Variants in TSPAN1 observed in about 807,000 individuals in gnomAD.
TSPAN1 encodes tetraspanin 1, also known as tetraspanin-1.
Under a neutral mutation model 26.9 loss-of-function variants are expected in TSPAN1, and 23 were observed. The ratio of observed to expected loss-of-function variants is 0.85; its 90% CI spans 0.62 to 1.21. TSPAN1 has a LOEUF of 1.21. Among genes scored for constraint, TSPAN1 ranks in the 50% most tolerant of loss-of-function variants. The probability of loss-of-function intolerance (pLI) is 0.00; values close to 1 mark genes in which losing one functional copy is unlikely to be tolerated. For synonymous variants in TSPAN1, 115 were observed against 114.8 expected (o/e 1.00, Z -0.01); for missense variants, 283 against 298.4 (o/e 0.95, Z 0.38).
At position 46,184,491 on chromosome 1, in the gene TSPAN1, CT is replaced by C. The variant is rs1217493575; in HGVS notation, c.264+95del. 5.6e-6 allele frequency: 9 copies of C among 1,605,844 alleles called. No individual in the cohort carries two copies. The African/African-American group carries it at 6.7e-5, about 12-fold the overall frequency. On this transcript the variant is annotated intron_variant, in intron 4 of 8. Coordinates refer to ENST00000372003, the MANE Select transcript of TSPAN1 (RefSeq NM_005727.4). The stretch of plus-strand genomic sequence containing the variant: ...TTCCCAAACCCTGCTTTGGACCCCC[CT>C]AGGCTCAGGCTTCTGTCTCACTTTT...
Position 46,175,164 on chromosome 1 carries a change from C to T in TSPAN1, c.-387C>T, listed in dbSNP as rs1298140305. 6.3e-6 allele frequency: 1 copy of T among 157,998 alleles called. No homozygotes were observed. Among genetic ancestry groups the T allele is most frequent in the African/African-American group, 2.4e-5 (1 of 41,624 alleles). 9.8% of individuals were successfully genotyped at this position (157,998 alleles called of 1,614,324 possible). On this transcript the variant is annotated 5_prime_UTR_variant, in exon 1 of 9. Transcript: ENST00000372003. ...AGGCACATCCACCTCACATCCACCT[C>T]ATACTTGTGTACTCTCAGGGTTCAG...
At chr1:46,194,488 A>T in the TSPAN1 span, 2 of 1,614,136 alleles carry the variant, frequency 1.2e-6, no homozygotes, top group East Asian at 4.5e-5. Context: ...ATAAAGCTCC[A>T]CAGAGAGATC....
chr1:46,192,571 G>T, the TSPAN1 span: 1 of 1,614,116 alleles, frequency 6.2e-7, no homozygotes. Context: ...TCCAGTAGGT[G>T]GATGGATTGG....
At chr1:46,177,655 TAAG>T in intron 1 of TSPAN1, among the ~76,000 whole-genome samples, 1 of 152,162 alleles carries the variant, frequency 6.6e-6, no homozygotes, top group Non-Finnish European at 1.5e-5. Context: ...AAAACTGAAA[TAAG>T]AAGACAGAGA....
At chr1:46,192,055 ACTGT>A in the TSPAN1 span, 1 of 1,588,110 alleles carries the variant, frequency 6.3e-7, no homozygotes, top group East Asian at 2.2e-5. Context: ...CTTGTTCTTG[ACTGT>A]CATGCCACAC....
Position 46,185,832 on chromosome 1 carries a change from G to A in TSPAN1, c.*299G>A. On this transcript the variant is annotated 3_prime_UTR_variant, in exon 9 of 9. Transcript: ENST00000372003. ...CTTGATATGCCCCCTAGGCCTAGTG[G>A]TGATCCCAGTGCTCTACTGGGGGAT... The A allele has an allele frequency of 6.1e-6, 3 of 495,266 alleles. No homozygotes were observed. The highest frequency in any genetic ancestry group is 1.1e-5 in the Non-Finnish European group (3 of 274,818). The allele number at this position is 495,266 out of a possible 1,614,324, so 30.7% of individuals were successfully genotyped here.
intron 3 of TSPAN1, among the ~76,000 whole-genome samples, chr1:46,182,958 G>T (rs1024911333): frequency 1.3e-5 from 2 of 152,128 alleles, no homozygotes; most frequent in African/African-American, 4.8e-5. Flanking sequence ...GACTACAGGA[G>T]TGTGCCACCA....
chr1:46,186,067 GT>G (rs1264497382), downstream of TSPAN1: 1 of 162,584 alleles, frequency 6.2e-6, no homozygotes, highest in East Asian at 1.8e-4. Context: ...GTAGGGTGGG[GT>G]TGGGGGTCAG....
At chr1:46,182,316 A>AAAAAAAAAAAAAAAAAAAAAAAAAC (rs1657332290) in intron 3 of TSPAN1, among the ~76,000 whole-genome samples, 1 of 147,434 alleles carries the variant, frequency 6.8e-6, no homozygotes, top group African/African-American at 2.5e-5. Context: ...AAAAAAAAAA[A>AAAAAAAAAAAAAAAAAAAAAAAAAC]AGCCACTGTG....
Position 46,185,592 on chromosome 1 carries a change from G to T in TSPAN1, c.*59G>T. 1 of 1,578,444 alleles carries T rather than the reference G, an allele frequency of 6.3e-7. No individual in the cohort carries two copies. The highest frequency in any genetic ancestry group is 1.1e-5 in the South Asian group (1 of 89,960). On this transcript the variant is annotated 3_prime_UTR_variant, in exon 9 of 9. Transcript: ENST00000372003. Reference sequence around the variant, plus strand: ...ATGGGAACTGTGAAGAGGCACCCTGGCAAGCAGCAGTGATTGGGGGAGGGG... The same window carrying T: ...ATGGGAACTGTGAAGAGGCACCCTGTCAAGCAGCAGTGATTGGGGGAGGGG...
chr1:46,182,414 AAAGTGAGG>A (rs1657335323), intron 3 of TSPAN1, among the ~76,000 whole-genome samples: 1 of 151,574 alleles, frequency 6.6e-6, no homozygotes, highest in Admixed American at 6.6e-5. Flanking sequence ...AGTGTAAGTG[AAAGTGAGG>A]AAGTGGGCCA....
At chr1:46,192,992 G>A in the TSPAN1 span, 1 of 1,612,588 alleles carries the variant, frequency 6.2e-7, no homozygotes, top group South Asian at 1.1e-5. Context: ...GGTCCCAAAG[G>A]GGTCTCTCCA....
In TSPAN1 at chr1:46,184,330, T is replaced by C. The variant is rs758411409; in HGVS notation, c.197T>C (p.Val66Ala). 1.2e-6 allele frequency: 2 copies of C among 1,614,068 alleles called. No homozygotes were observed. Among genetic ancestry groups the C allele is most frequent in the African/African-American group, 2.7e-5 (2 of 74,916 alleles). The change falls in exon 4 of 9, where the codon GTG (valine) becomes GCG (alanine). Residue 66 changes from valine (V) to alanine (A), a missense_variant. Val to Ala is a moderately conservative substitution (Grantham distance 64). Coordinates refer to ENST00000372003, the MANE Select transcript of TSPAN1 (RefSeq NM_005727.4). The stretch of plus-strand genomic sequence containing the variant: ...TACTTCCTCATCGCAGCCGGCGTTG[T>C]GGTCTTTGCTCTTGGTTTCCTGGGC... ...VGYFLIAAGV[V>A]VFALGFLGCY...
At chr1:46,189,914 G>A (rs1657618143), downstream of TSPAN1, 7 of 1,613,972 alleles carry the variant, frequency 4.3e-6, no homozygotes, top group Non-Finnish European at 5.1e-6. Flanking sequence ...TAAAGGCCAC[G>A]TAGGTGTGGC....
rs569364314 is a variant in TSPAN1 at position 46,179,401 on chromosome 1, A to G, written c.-141-1125A>G. On this transcript the variant is annotated intron_variant, in intron 1 of 8. Coordinates refer to ENST00000372003, the MANE Select transcript of TSPAN1 (RefSeq NM_005727.4). ...ACTTTGACCTTCTTGCTCTGTGCTC[A>G]TTCCCTACTGTCCCTTCCTTCTAGA... Among the ~76,000 whole-genome samples, 20 of 152,096 alleles carry G rather than the reference A, an allele frequency of 1.3e-4. No homozygotes were observed. The East Asian group carries it at 3.9e-3, about 29-fold the overall frequency.
chr1:46,188,808 T>C, downstream of TSPAN1: 1 of 1,612,884 alleles, frequency 6.2e-7, no homozygotes, highest in Non-Finnish European at 8.5e-7. Flanking sequence ...TGTGTCAGCA[T>C]GTGGGCCCCA....
the TSPAN1 span, chr1:46,194,139 T>A: frequency 6.4e-7 from 1 of 1,560,208 alleles, no homozygotes; most frequent in Non-Finnish European, 8.7e-7. Flanking sequence ...GCCCTGTCTT[T>A]CAGAGCGCAG....
Position 46,185,610 on chromosome 1 carries a change from G to A in TSPAN1, c.*77G>A. On this transcript the variant is annotated 3_prime_UTR_variant, in exon 9 of 9. Transcript: ENST00000372003. Reference sequence around the variant, plus strand: ...CACCCTGGCAAGCAGCAGTGATTGGGGGAGGGGACAGGATCTAACAATGTC... The same window carrying A: ...CACCCTGGCAAGCAGCAGTGATTGGAGGAGGGGACAGGATCTAACAATGTC... 2 of 1,521,180 alleles carry A rather than the reference G, an allele frequency of 1.3e-6. No homozygotes were observed. The highest frequency in any genetic ancestry group is 2.3e-5 in the South Asian group (2 of 87,630). The allele number at this position is 1,521,180 out of a possible 1,614,324, so 94.2% of individuals were successfully genotyped here.
chr1:46,178,906 C>T (rs1657247791), intron 1 of TSPAN1, among the ~76,000 whole-genome samples: 2 of 152,126 alleles, frequency 1.3e-5, no homozygotes, highest in Non-Finnish European at 2.9e-5. Context: ...GGAAAAAAAG[C>T]CTTAATATAT....
Sources: allele counts gnomAD v4.1 joint callset (sites outside exome capture counted in the v4.1 genomes callset), GRCh38; gene constraint gnomAD v4.1.1; transcripts MANE v1.5; gene names NCBI Gene and HGNC (gene_info 2026-07-23, HGNC 2026-07-21).